The following CDC16 variants were observed in gnomAD, a reference collection of about 807,000 sequenced individuals.
CDC16 encodes cell division cycle 16, also known as cell division cycle protein 16 homolog.
Under a neutral mutation model 87.0 loss-of-function variants are expected in CDC16, and 34 were observed. That is an observed-to-expected ratio of 0.39 (90% confidence interval 0.30 to 0.52). The LOEUF (loss-of-function observed/expected upper bound fraction) is 0.52. Among genes scored for constraint, CDC16 ranks in the 20% least tolerant of loss-of-function variants. The pLI, the probability that CDC16 is intolerant of heterozygous loss-of-function variation, is 0.74. For synonymous variants in CDC16, 263 were observed against 260.6 expected (o/e 1.01, Z -0.09); for missense variants, 653 against 751.9 (o/e 0.87, Z 1.54).
intron 13 of CDC16, 92 bp downstream of exon 13, chr13:114,257,322 CA>C: frequency 1.3e-6 from 1 of 749,078 alleles, no homozygotes; most frequent in East Asian, 2.9e-5. Context: ...AGCGACTCTT[CA>C]GTAGATTTGT....
intron 13 of CDC16, among the ~76,000 whole-genome samples, chr13:114,258,076 C>T (rs531998691): frequency 1.3e-5 from 2 of 152,230 alleles, no homozygotes; most frequent in Admixed American, 6.5e-5. Flanking sequence ...TGAGCCTCCA[C>T]GCTCGGCTGT....
intron 5 of CDC16, among the ~76,000 whole-genome samples, chr13:114,240,184 C>G (rs1045105606): frequency 6.6e-5 from 10 of 152,150 alleles, no homozygotes; most frequent in Middle Eastern, 3.4e-3. Flanking sequence ...CCTTACCTGA[C>G]CTACCAATTT....
At chr13:114,258,641 G>C (rs1340488388) in intron 13 of CDC16, among the ~76,000 whole-genome samples, 2 of 152,150 alleles carry the variant, frequency 1.3e-5, no homozygotes, top group African/African-American at 4.8e-5. Flanking sequence ...TCAACAATAT[G>C]TATCAAATAA....
At chr13:114,243,137 T>C (rs1466211401) in intron 6 of CDC16, 120 bp from the exon 7 acceptor site, 4 of 600,630 alleles carry the variant, frequency 6.7e-6, no homozygotes, top group East Asian at 2.7e-5. Context: ...TTTGATCTTA[T>C]GTTCTCTTTT....
At chr13:114,257,304 C>A in intron 13 of CDC16, 74 bp downstream of exon 13, 2 of 917,146 alleles carry the variant, frequency 2.2e-6, no homozygotes, top group Non-Finnish European at 3.1e-6. Flanking sequence ...CTAGAGTTCA[C>A]TGACAAAAGC....
intron 15 of CDC16, 30 bp downstream of exon 15, chr13:114,261,978 T>C (rs775055733): frequency 1.4e-5 from 19 of 1,391,310 alleles, no homozygotes; most frequent in South Asian, 1.2e-4. Context: ...TTCAGAAATA[T>C]ACTTTGTGTC....
At position 114,242,287 on chromosome 13, in the gene CDC16, A is replaced by G. The variant is rs2081590798; in HGVS notation, c.541+7A>G. 6.3e-7 allele frequency: 1 copy of G among 1,597,844 alleles called. No individual in the cohort carries two copies. Among genetic ancestry groups the G allele is most frequent in the South Asian group, 1.1e-5 (1 of 86,992 alleles). On this transcript the variant is annotated splice_region_variant and intron_variant, in intron 6 of 17. Coordinates refer to ENST00000356221, the MANE Select transcript of CDC16 (RefSeq NM_001078645.3). ...ATGCTGACAGCACAAGAAGGTTTGG[A>G]AACTCAGGCTTTTTTGTTTTATGTT... is the stretch of plus-strand genomic sequence containing the variant.
intron 2 of CDC16, 46 bp downstream of exon 2, chr13:114,236,745 C>G: frequency 6.2e-7 from 1 of 1,612,506 alleles, no homozygotes; most frequent in Non-Finnish European, 8.5e-7. Context: ...TCTTAAAATT[C>G]GTTTTCTATT....
chr13:114,269,886 A>G (rs1255686132), intron 17 of CDC16, among the ~76,000 whole-genome samples: 1 of 151,992 alleles, frequency 6.6e-6, no homozygotes, highest in Non-Finnish European at 1.5e-5. Context: ...TTGTATTTTT[A>G]GTAGAGATGG....
In CDC16 at chr13:114,248,557, T is replaced by C. The variant is rs150449578; in HGVS notation, c.971+1553T>C. Among the ~76,000 whole-genome samples the C allele has an allele frequency of 9.8e-3, 1,485 of 152,276 alleles. 23 individuals carry two copies. Among genetic ancestry groups the C allele is most frequent in the African/African-American group, 0.034 (1,411 of 41,560 alleles). ...TCAGCTGGACATGGTGGCATGCACC[T>C]GTAATCCCCGCTACTTGGGAGGCTG... On this transcript the variant is annotated intron_variant, in intron 11 of 17. Coordinates refer to ENST00000356221, the MANE Select transcript of CDC16 (RefSeq NM_001078645.3).
chr13:114,272,594 G>GCACACCTTTGCA lies in CDC16; in HGVS notation c.*152_*163dup, dbSNP rs1566700659. On this transcript the variant is annotated 3_prime_UTR_variant, in exon 18 of 18. Coordinates refer to ENST00000356221, the MANE Select transcript of CDC16 (RefSeq NM_001078645.3). ...GAGACCCGCCTTAAGAGACTGGATC[G>GCACACCTTTGCA]CACACCTTTGCAACAGATGTGTTCT... is the stretch of plus-strand genomic sequence containing the variant. 1 of 595,208 alleles carries GCACACCTTTGCA rather than the reference G, an allele frequency of 1.7e-6. No homozygotes were observed. Among genetic ancestry groups the GCACACCTTTGCA allele is most frequent in the African/African-American group, 1.9e-5 (1 of 53,876 alleles). The allele number at this position is 595,208 out of a possible 1,614,324, so 36.9% of individuals were successfully genotyped here. A position where few individuals can be genotyped will look rare whatever the true frequency, so the allele number is the denominator to read the frequency against.
intron 16 of CDC16, chr13:114,264,358 C>G (rs2139147993): frequency 6.6e-6 from 1 of 152,344 alleles, no homozygotes; most frequent in South Asian, 2.1e-4. Flanking sequence ...CCATCCTGAC[C>G]AATATGGTGA....
chr13:114,235,641 A>C (rs1031383109), intron 1 of CDC16, among the ~76,000 whole-genome samples: 1 of 152,230 alleles, frequency 6.6e-6, no homozygotes, highest in East Asian at 1.9e-4. Context: ...GTTTAAGGCA[A>C]GAAGTGTCTT....
rs559657949 is a variant in CDC16, at chr13:114,262,492, C to A, written c.1377-387C>A. Among the ~76,000 whole-genome samples the A allele has an allele frequency of 2.0e-5, 3 of 152,268 alleles. No individual in the cohort carries two copies. The South Asian group carries it at 6.2e-4, about 32-fold the overall frequency. On this transcript the variant is annotated intron_variant, in intron 15 of 17. Coordinates refer to ENST00000356221, the MANE Select transcript of CDC16 (RefSeq NM_001078645.3). ...TTAAGGAGCACTTTTCTAAGTAAAT[C>A]TTTTGGACCTTAAAGCGATACTCCT... is the stretch of plus-strand genomic sequence containing the variant.
At chr13:114,259,109 A>G (rs1003074829) in intron 13 of CDC16, among the ~76,000 whole-genome samples, 1 of 151,838 alleles carries the variant, frequency 6.6e-6, no homozygotes, top group Non-Finnish European at 1.5e-5. Flanking sequence ...AAAAAAAAAA[A>G]AAAAAGGAAT....
At chr13:114,266,758 A>C (rs1242369347) in intron 17 of CDC16, among the ~76,000 whole-genome samples, 1 of 150,864 alleles carries the variant, frequency 6.6e-6, no homozygotes, top group Non-Finnish European at 1.5e-5. Flanking sequence ...CAGTGGCAGG[A>C]TCTCTGCTCA....
intron 14 of CDC16, among the ~76,000 whole-genome samples, chr13:114,261,674 A>C (rs1264695326): frequency 3.3e-5 from 5 of 152,172 alleles, no homozygotes; most frequent in African/African-American, 7.2e-5. Context: ...GCTCTTGGAT[A>C]AACTTGTCCT....
intron 15 of CDC16, among the ~76,000 whole-genome samples, chr13:114,262,645 A>G (rs1455439317): frequency 1.3e-5 from 2 of 152,228 alleles, no homozygotes; most frequent in African/African-American, 2.4e-5. Context: ...ATCAAAAGGA[A>G]TACAGCAGAC....
At chr13:114,250,407 G>A (rs1444939205) in intron 11 of CDC16, 142 bp from the exon 12 acceptor site, 3 of 638,358 alleles carry the variant, frequency 4.7e-6, no homozygotes, top group Non-Finnish European at 7.6e-6. Flanking sequence ...TAGGAGAATT[G>A]CTTGGTATCT....
Sources: gnomAD v4.1 joint callset for allele counts (sites outside exome capture counted in the v4.1 genomes callset) on GRCh38, gnomAD v4.1.1 for gene constraint, MANE v1.5 for transcripts, NCBI Gene and HGNC (gene_info 2026-07-23, HGNC 2026-07-21) for gene names.